Variants in RERG observed in about 807,000 individuals in gnomAD.
RERG encodes the protein RAS like estrogen regulated growth inhibitor.
Under a neutral mutation model 23.2 loss-of-function variants are expected in RERG, and 25 were observed. The ratio of observed to expected loss-of-function variants is 1.08; its 90% CI spans 0.79 to 1.50. The LOEUF is 1.50. Among genes scored for constraint, RERG ranks in the 40% most tolerant of loss-of-function variants. The pLI, the probability that RERG is intolerant of heterozygous loss-of-function variation, is 0.00. For synonymous variants in RERG, 81 were observed against 89.1 expected, an observed-to-expected ratio of 0.91 and a Z score of 0.51; for missense variants, 253 against 250.1, an observed-to-expected ratio of 1.01 and a Z score of -0.08.
chr12:15,214,298 T>G (rs768726895), intron 2 of RERG, among the ~76,000 whole-genome samples: 1 of 152,152 alleles, frequency 6.6e-6, no homozygotes, highest in Non-Finnish European at 1.5e-5. Context: ...AGAAATCGAC[T>G]GGTTAAGTAA....
rs536178158 is a variant in RERG, at chr12:15,170,765, T to C, written c.61+46664A>G. ...CCACAGCTCTTGCATATACTGTATC[T>C]CCTTCCAACTTAAGTTCCCAAAAGG... is the stretch of plus-strand genomic sequence containing the variant. On this transcript the variant is annotated intron_variant, in intron 2 of 4. Coordinates refer to ENST00000256953, the MANE Select transcript of RERG (RefSeq NM_032918.3). 7.2e-4 allele frequency among the ~76,000 whole-genome samples: 109 copies of C among 152,330 alleles called. 1 individual carries two copies. In the South Asian group the frequency reaches 0.022, roughly 31 times the overall value.
At chr12:15,213,627 C>T (rs1865398596) in intron 2 of RERG, among the ~76,000 whole-genome samples, 1 of 152,224 alleles carries the variant, frequency 6.6e-6, no homozygotes. Flanking sequence ...ATATTACACA[C>T]ATGTGCGTGC....
At chr12:15,201,781 T>C (rs1489241789) in intron 2 of RERG, among the ~76,000 whole-genome samples, 1 of 151,670 alleles carries the variant, frequency 6.6e-6, no homozygotes, top group African/African-American at 2.4e-5. Context: ...TATTGTTCTA[T>C]CTCACTTGAT....
intron 2 of RERG, among the ~76,000 whole-genome samples, chr12:15,181,191 C>T (rs1864918590): frequency 6.6e-6 from 1 of 152,064 alleles, no homozygotes; most frequent in Non-Finnish European, 1.5e-5. Flanking sequence ...TAGTGGAGGC[C>T]CTTGGAGAGA....
In RERG at chr12:15,152,459, C is replaced by A. The variant is rs114980345; in HGVS notation, c.62-31340G>T. The stretch of plus-strand genomic sequence containing the variant: ...AGAGAGAAACAATATGGAAAAAACT[C>A]TTGTTTTGGACAGAGAAGGCTCTGA... On this transcript the variant is annotated intron_variant, in intron 2 of 4. Coordinates refer to ENST00000256953, the MANE Select transcript of RERG (RefSeq NM_032918.3). Among the ~76,000 whole-genome samples, 1,304 of 152,258 alleles carry A rather than the reference C, an allele frequency of 8.6e-3. 17 individuals are homozygous for A. The highest frequency in any genetic ancestry group is 0.03 in the African/African-American group (1,230 of 41,542).
rs1863533145 is a variant in RERG at position 15,108,199 on chromosome 12, T to C, written c.*911A>G. On this transcript the variant is annotated 3_prime_UTR_variant, in exon 5 of 5. Coordinates refer to ENST00000256953, the MANE Select transcript of RERG (RefSeq NM_032918.3). ...AATCAGAGGCTAATTTTTCTTACTG[T>C]ACCTGGCTCAAAGTCTAGACTTCCC... 6.6e-6 allele frequency: 1 copy of C among 152,242 alleles called. No individual in the cohort carries two copies. The highest frequency in any genetic ancestry group is 2.4e-5 in the African/African-American group (1 of 41,462). The allele number at this position is 152,242 out of a possible 1,614,324, so 9.4% of individuals were successfully genotyped here.
In RERG at chr12:15,217,576, A is replaced by C. The variant is rs917501816; in HGVS notation, c.-87T>G. On this transcript the variant is annotated 5_prime_UTR_variant, in exon 2 of 5. An upstream start codon of the reference 5' UTR is lost. Coordinates refer to ENST00000256953, the MANE Select transcript of RERG (RefSeq NM_032918.3). ...TTCCAGTCTTTGGATTCACCATATC[A>C]TTGTGAATCTTGGAAGAGTCCACAA... 8.5e-6 allele frequency: 8 copies of C among 943,620 alleles called. No individual in the cohort carries two copies. Among genetic ancestry groups the C allele is most frequent in the Non-Finnish European group, 1.4e-5 (8 of 574,044 alleles). 58.5% of individuals were successfully genotyped at this position (943,620 alleles called of 1,614,324 possible). A position where few individuals can be genotyped will look rare whatever the true frequency, so the allele number is the denominator to read the frequency against.
intron 2 of RERG, among the ~76,000 whole-genome samples, chr12:15,206,942 T>A (rs1270497197): frequency 2.0e-5 from 3 of 152,040 alleles, no homozygotes; most frequent in Non-Finnish European, 4.4e-5. Flanking sequence ...AATACAATAT[T>A]AAGCAGGAGA....
At chr12:15,161,384 G>A (rs945573589) in intron 2 of RERG, among the ~76,000 whole-genome samples, 1 of 152,008 alleles carries the variant, frequency 6.6e-6, no homozygotes, top group African/African-American at 2.4e-5. Context: ...TTCTCCTTAG[G>A]TCCTCTCCAG....
At position 15,128,732 on chromosome 12, in the gene RERG, T is replaced by G. The variant is rs181038736; in HGVS notation, c.62-7613A>C. 2.0e-5 allele frequency among the ~76,000 whole-genome samples: 3 copies of G among 152,252 alleles called. No individual in the cohort carries two copies. In the East Asian group the frequency reaches 5.8e-4, roughly 29 times the overall value. ...AAATAGGAGTAATGTGTATGGTGTG[T>G]CAGCCTTATAATGGTTTGTCTTCCA... On this transcript the variant is annotated intron_variant, in intron 2 of 4. Coordinates refer to ENST00000256953, the MANE Select transcript of RERG (RefSeq NM_032918.3).
At chr12:15,140,692 AT>A (rs576950853) in intron 2 of RERG, among the ~76,000 whole-genome samples, 2 of 151,298 alleles carry the variant, frequency 1.3e-5, no homozygotes, top group African/African-American at 2.4e-5. Flanking sequence ...ATTCTAGGTA[AT>A]TTTTTTTTCT....
At chr12:15,109,967 T>C (rs1344934688) in intron 4 of RERG, among the ~76,000 whole-genome samples, 8 of 152,226 alleles carry the variant, frequency 5.3e-5, no homozygotes, top group Non-Finnish European at 4.4e-5. Flanking sequence ...TTATTATTTT[T>C]TTGGTTTGTT....
chr12:15,194,627 T>A (rs910106081), intron 2 of RERG, among the ~76,000 whole-genome samples: 1 of 152,122 alleles, frequency 6.6e-6, no homozygotes, highest in Non-Finnish European at 1.5e-5. Context: ...CTTAAAATCT[T>A]GGAGCCCATC....
At chr12:15,146,675 CTT>C (rs1864338047) in intron 2 of RERG, among the ~76,000 whole-genome samples, 1 of 152,166 alleles carries the variant, frequency 6.6e-6, no homozygotes, top group African/African-American at 2.4e-5. Flanking sequence ...CAATATGACT[CTT>C]TGCATTTGCA....
At chr12:15,162,950 A>G (rs1161499132) in intron 2 of RERG, among the ~76,000 whole-genome samples, 2 of 152,216 alleles carry the variant, frequency 1.3e-5, no homozygotes, top group African/African-American at 4.8e-5. Context: ...CCTATTAGCA[A>G]TAGGTTTTAT....
intron 2 of RERG, among the ~76,000 whole-genome samples, chr12:15,161,299 C>A (rs943641379): frequency 6.6e-6 from 1 of 152,178 alleles, no homozygotes; most frequent in South Asian, 2.1e-4. Context: ...CTGTGTCACA[C>A]AGTATAATCT....
At chr12:15,218,622 C>A (rs917411009) in intron 1 of RERG, among the ~76,000 whole-genome samples, 3 of 152,006 alleles carry the variant, frequency 2.0e-5, no homozygotes, top group Non-Finnish European at 4.4e-5. Context: ...TGTCTCCCTG[C>A]GGCTTCTACT....
At chr12:15,123,009 G>A (rs184429024) in intron 2 of RERG, among the ~76,000 whole-genome samples, 7 of 152,140 alleles carry the variant, frequency 4.6e-5, no homozygotes, top group Admixed American at 4.6e-4. Flanking sequence ...ATGTTGGCCA[G>A]GGTGGTCTCA....
intron 2 of RERG, among the ~76,000 whole-genome samples, chr12:15,171,440 C>G (rs889948198): frequency 7.2e-5 from 11 of 152,232 alleles, no homozygotes; most frequent in African/African-American, 2.6e-4. Context: ...GCAGATAAGG[C>G]TGGACTGTGG....
Sources: allele counts gnomAD v4.1 joint callset (sites outside exome capture counted in the v4.1 genomes callset), GRCh38; gene constraint gnomAD v4.1.1; transcripts MANE v1.5; gene names NCBI Gene and HGNC (gene_info 2026-07-23, HGNC 2026-07-21).